Variants in OSBPL1A observed in about 807,000 individuals in gnomAD.
OSBPL1A encodes oxysterol binding protein like 1A.
OSBPL1A carries 80 observed loss-of-function variants against 137.1 expected under a neutral mutation model. That is an observed-to-expected ratio of 0.58 (90% CI 0.49 to 0.70). OSBPL1A has a LOEUF of 0.70. Among genes scored for constraint, OSBPL1A ranks in the 30% least tolerant of loss-of-function variants. The pLI is 0.00. For missense variants in OSBPL1A, 970 were observed against 1,129.4 expected, an observed-to-expected ratio of 0.86 and a Z score of 2.02; for synonymous variants, 365 against 389.7, an observed-to-expected ratio of 0.94 and a Z score of 0.75.
chr18:24,371,563 C>G lies in OSBPL1A; in HGVS notation c.122-3191G>C, dbSNP rs118081641. 1.0e-3 allele frequency among the ~76,000 whole-genome samples: 152 copies of G among 152,252 alleles called. 1 individual carries two copies. In the East Asian group the frequency reaches 0.018, roughly 18 times the overall value. ...TTTTTGCCTGTCTTCAACCTCTCCC[C>G]CTTTAGTTGCTGATGGGAAGGAGTA... On this transcript the variant is annotated intron_variant, in intron 2 of 27. Transcript: ENST00000319481.
Position 24,366,920 on chromosome 18 carries a change from A to G in OSBPL1A, c.254T>C (p.Leu85Pro). 1 of 1,612,144 alleles carries G rather than the reference A, an allele frequency of 6.2e-7. No homozygotes were observed. Among genetic ancestry groups the G allele is most frequent in the Non-Finnish European group, 8.5e-7 (1 of 1,179,074 alleles). The change falls in exon 4 of 28, where the codon CTT becomes CCT. Residue 85 changes from leucine to proline, a missense_variant. By Grantham distance (98) the Leu-to-Pro change is moderately conservative (BLOSUM62 -3). This residue lies in a region of OSBPL1A where 647 missense variants were observed against 672.6 expected (regional missense o/e 0.96). Transcript: ENST00000319481. The stretch of plus-strand genomic sequence containing the variant: ...TCGTCCTGTAAAGGCAGCTCGATGA[A>G]GCGGCGTGTCTCCCATGTCATTCAA... ...NVLNDMGDTP[L>P]HRAAFTGRKE...
rs375862038 is a variant in OSBPL1A at position 24,333,490 on chromosome 18, T to C, written c.481-404A>G. Among the ~76,000 whole-genome samples, 61 of 152,384 alleles carry C rather than the reference T, an allele frequency of 4.0e-4. No homozygotes were observed. The East Asian group carries it at 7.3e-3, about 18-fold the overall frequency. On this transcript the variant is annotated intron_variant, in intron 6 of 27. Coordinates refer to ENST00000319481, the MANE Select transcript of OSBPL1A (RefSeq NM_080597.4). The stretch of plus-strand genomic sequence containing the variant: ...ACCATAAATGTTAAATGTGTAAATG[T>C]CAAGGTTCTACTGAATTTGTTGTTC...
intron 5 of OSBPL1A, among the ~76,000 whole-genome samples, chr18:24,340,484 G>A (rs148491993): frequency 0.018 from 2,805 of 152,020 alleles, 46 homozygotes; most frequent in Admixed American, 0.028. Context: ...GACCAGCCTG[G>A]GCAACATAGT....
At chr18:24,288,250 G>T (rs2146083115) in intron 14 of OSBPL1A, among the ~76,000 whole-genome samples, 1 of 152,286 alleles carries the variant, frequency 6.6e-6, no homozygotes, top group Non-Finnish European at 1.5e-5. Context: ...CATGAGAAAA[G>T]GTCACTGTTG....
intron 18 of OSBPL1A, among the ~76,000 whole-genome samples, chr18:24,192,138 C>T (rs570508453): frequency 3.3e-5 from 5 of 152,268 alleles, no homozygotes; most frequent in South Asian, 2.1e-4. Flanking sequence ...AAGGGCAGCA[C>T]GCACATGGCC....
chr18:24,238,317 A>G (rs2088564083), intron 16 of OSBPL1A, among the ~76,000 whole-genome samples: 1 of 151,758 alleles, frequency 6.6e-6, no homozygotes, highest in Admixed American at 6.7e-5. Flanking sequence ...CTCCCATACA[A>G]CAATTAATTT....
intron 15 of OSBPL1A, chr18:24,272,031 G>C: frequency 1.0e-6 from 1 of 982,014 alleles, no homozygotes; most frequent in Non-Finnish European, 1.2e-6. Context: ...CGCGCGGCGG[G>C]CAGCGTCCGG....
At chr18:24,181,305 T>C in intron 18 of OSBPL1A, 26 bp from the exon 19 acceptor site, 1 of 1,611,442 alleles carries the variant, frequency 6.2e-7, no homozygotes, top group Non-Finnish European at 8.5e-7. Flanking sequence ...ATTGAAAGTG[T>C]TATGTCCCAT....
chr18:24,263,908 A>G (rs12968873), intron 15 of OSBPL1A, among the ~76,000 whole-genome samples: 44,511 of 152,108 alleles, frequency 0.29, 8,052 homozygotes, highest in Non-Finnish European at 0.4. Context: ...AAGTGCTGGG[A>G]TTACAGGTGT....
At chr18:24,378,317 C>T (rs1906343135) in intron 1 of OSBPL1A, among the ~76,000 whole-genome samples, 1 of 152,128 alleles carries the variant, frequency 6.6e-6, no homozygotes, top group Admixed American at 6.5e-5. Context: ...CAGGAAATAG[C>T]ACTCCTGTAG....
At chr18:24,174,730 T>A (rs943142639) in intron 21 of OSBPL1A, among the ~76,000 whole-genome samples, 19 of 152,180 alleles carry the variant, frequency 1.2e-4, no homozygotes, top group Admixed American at 3.3e-4. Flanking sequence ...GTTTTAACTC[T>A]GCAGTTCTCT....
At chr18:24,202,125 G>A (rs1275035487) in intron 17 of OSBPL1A, among the ~76,000 whole-genome samples, 1 of 152,110 alleles carries the variant, frequency 6.6e-6, no homozygotes, top group Non-Finnish European at 1.5e-5. Flanking sequence ...TCGGGGAGGT[G>A]TCATCTCTTT....
chr18:24,223,690 A>G (rs1223527923), intron 17 of OSBPL1A, among the ~76,000 whole-genome samples: 1 of 152,186 alleles, frequency 6.6e-6, no homozygotes, highest in Non-Finnish European at 1.5e-5. Flanking sequence ...TGTCATGATT[A>G]TAGCACACAT....
intron 17 of OSBPL1A, among the ~76,000 whole-genome samples, chr18:24,222,856 C>G (rs183531101): frequency 6.6e-6 from 1 of 152,196 alleles, no homozygotes; most frequent in Admixed American, 6.5e-5. Context: ...TCCCATGTCT[C>G]CCTAAATTTA....
At chr18:24,283,264 C>CAAAAA (rs67218844) in intron 14 of OSBPL1A, among the ~76,000 whole-genome samples, 1,291 of 30,586 alleles carry the variant, frequency 0.042, 115 homozygotes, top group Non-Finnish European at 0.06. Context: ...GACTCCATCT[C>CAAAAA]AAAAAAAAAA....
In OSBPL1A at chr18:24,271,831, G is replaced by C; in HGVS notation, c.1281+9011C>G. ...TGGCTCCGGCCGGGCAGCAGCGCCA[G>C]CCTTCCCCAGCGAGGTCGGGCAGAG... On this transcript the variant is annotated intron_variant, in intron 15 of 27. Coordinates refer to ENST00000319481, the MANE Select transcript of OSBPL1A (RefSeq NM_080597.4). The surrounding 1 kb of genome is among the most constrained non-coding windows in gnomAD (Gnocchi z 4.0). 2 of 985,420 alleles carry C rather than the reference G, an allele frequency of 2.0e-6. No individual in the cohort carries two copies. Among genetic ancestry groups the C allele is most frequent in the Non-Finnish European group, 2.4e-6 (2 of 830,020 alleles). 61.0% of individuals were successfully genotyped at this position (985,420 alleles called of 1,614,324 possible).
intron 2 of OSBPL1A, among the ~76,000 whole-genome samples, chr18:24,377,061 C>T (rs994406199): frequency 6.6e-6 from 1 of 152,240 alleles, no homozygotes; most frequent in African/African-American, 2.4e-5. Context: ...TGAAGGGCTC[C>T]TCAAGTGCCG....
intron 1 of OSBPL1A, among the ~76,000 whole-genome samples, chr18:24,388,425 T>C (rs1436121166): frequency 6.6e-6 from 1 of 152,094 alleles, no homozygotes; most frequent in Non-Finnish European, 1.5e-5. Flanking sequence ...CTACAGGCAA[T>C]GCCTTACAAA....
At chr18:24,316,793 C>T (rs958597211) in intron 11 of OSBPL1A, among the ~76,000 whole-genome samples, 1 of 152,226 alleles carries the variant, frequency 6.6e-6, no homozygotes, top group East Asian at 1.9e-4. Flanking sequence ...CTACAACCAA[C>T]AACAATAGCA....
Sources: allele counts gnomAD v4.1 joint callset (sites outside exome capture counted in the v4.1 genomes callset), GRCh38; gene constraint gnomAD v4.1.1; regional missense constraint gnomAD v4.1.1; non-coding constraint Gnocchi (gnomAD v3.1); transcripts MANE v1.5; gene names NCBI Gene and HGNC (gene_info 2026-07-23, HGNC 2026-07-21).